Variants in UNC13C observed in about 807,000 individuals in gnomAD.
UNC13C encodes the protein unc-13 homolog C, also known as protein unc-13 homolog C.
In UNC13C, 174 loss-of-function variants were observed where a neutral mutation model predicts 245.4. The observed-to-expected ratio is 0.71, with a 90% CI of 0.63 to 0.80. The LOEUF (loss-of-function observed/expected upper bound fraction) is 0.80. UNC13C is among the 30% of genes least tolerant of loss of function. The pLI, the probability that UNC13C is intolerant of heterozygous loss-of-function variation, is 0.00. For synonymous variants in UNC13C, 992 were observed against 895.1 expected, an observed-to-expected ratio of 1.11 and a Z score of -1.93; for missense variants, 2,829 against 2,602.9, an observed-to-expected ratio of 1.09 and a Z score of -1.89.
At chr15:53,981,246 A>C (rs1893916028) in intron 1 of UNC13C, among the ~76,000 whole-genome samples, 1 of 152,190 alleles carries the variant, frequency 6.6e-6, no homozygotes, top group Non-Finnish European at 1.5e-5. Context: ...CAGTTTCAAC[A>C]TATATGTTTC....
At chr15:54,050,238 C>G (rs1258243362) in intron 2 of UNC13C, 3 of 537,468 alleles carry the variant, frequency 5.6e-6, no homozygotes, top group Non-Finnish European at 1.1e-5. Context: ...TCCCAAAGTT[C>G]TGGTATTACA....
chr15:54,222,956 A>G (rs1363250427), intron 4 of UNC13C, among the ~76,000 whole-genome samples: 7 of 151,936 alleles, frequency 4.6e-5, no homozygotes, highest in Admixed American at 3.9e-4. Flanking sequence ...TTTTTTCTAT[A>G]GAGTTGTTTG....
Position 54,393,117 on chromosome 15 carries a change from C to T in UNC13C, c.4783C>T (p.Leu1595Phe), listed in dbSNP as rs2039996235. 2 of 1,610,864 alleles carry T rather than the reference C, an allele frequency of 1.2e-6. No homozygotes were observed. Among genetic ancestry groups the T allele is most frequent in the African/African-American group, 1.3e-5 (1 of 74,670 alleles). ...TTKNLDFWPQLITLMVTIIDE... is the reference protein window; with the variant it reads ...TTKNLDFWPQFITLMVTIIDE... ...CAAGAATTTGGATTTTTGGCCCCAA[C>T]TTATTACACTGATGGTTACTATTAT... Residue 1595 changes from leucine (L) to phenylalanine (F), a missense_variant, in exon 18 of 33, where the codon CTT becomes TTT. Leu to Phe is a conservative substitution (Grantham distance 22, BLOSUM62 0). Coordinates refer to ENST00000260323, the MANE Select transcript of UNC13C (RefSeq NM_001080534.3).
chr15:54,392,975 T>C (rs2039989556), intron 17 of UNC13C, 73 bp from the exon 18 acceptor site: 2 of 1,397,836 alleles, frequency 1.4e-6, no homozygotes, highest in African/African-American at 2.9e-5. Flanking sequence ...TGATCTTCTA[T>C]TTGACAGTGA....
intron 10 of UNC13C, among the ~76,000 whole-genome samples, chr15:54,286,105 T>G (rs1414174048): frequency 2.0e-5 from 3 of 152,268 alleles, no homozygotes; most frequent in Non-Finnish European, 2.9e-5. Flanking sequence ...GGTCTCGAAC[T>G]CCTGACCTCA....
intron 4 of UNC13C, among the ~76,000 whole-genome samples, chr15:54,164,288 T>C (rs1046229586): frequency 1.3e-5 from 2 of 152,206 alleles, no homozygotes; most frequent in Non-Finnish European, 2.9e-5. Context: ...CTTTAAAATA[T>C]GTTTATGCTC....
chr15:54,444,746 G>A (rs537618090), intron 19 of UNC13C, among the ~76,000 whole-genome samples: 16 of 151,886 alleles, frequency 1.1e-4, no homozygotes, highest in Admixed American at 9.2e-4. Flanking sequence ...GATGGTGGAT[G>A]TCATCCATTC....
intron 2 of UNC13C, among the ~76,000 whole-genome samples, chr15:54,020,441 A>ATTTT (rs35981072): frequency 7.5e-3 from 794 of 106,242 alleles, no homozygotes; most frequent in Non-Finnish European, 0.011. Context: ...CGCCCAGCTA[A>ATTTT]TTTTTTTTTT....
At chr15:54,225,170 C>CT (rs61048399) in intron 4 of UNC13C, among the ~76,000 whole-genome samples, 26,044 of 138,536 alleles carry the variant, frequency 0.19, 2,406 homozygotes, top group Admixed American at 0.21. Context: ...AGTTCTCTGT[C>CT]TTTTTTTTTT....
chr15:53,989,157 G>A (rs572768210), intron 1 of UNC13C, among the ~76,000 whole-genome samples: 20 of 151,820 alleles, frequency 1.3e-4, no homozygotes, highest in Admixed American at 1.3e-3. Context: ...CAGCATACGG[G>A]TCAATATTTT....
intron 2 of UNC13C, among the ~76,000 whole-genome samples, chr15:54,061,493 G>A (rs1422537427): frequency 6.6e-6 from 1 of 152,146 alleles, no homozygotes; most frequent in Admixed American, 6.5e-5. Flanking sequence ...TTGAAGTTGG[G>A]TTGGAGCACA....
the UNC13C span, among the ~76,000 whole-genome samples, chr15:53,936,936 CA>C: frequency 5.9e-5 from 9 of 152,224 alleles, no homozygotes; most frequent in Non-Finnish European, 1.2e-4. Context: ...AGAATCAATG[CA>C]AAAATGCTGA....
chr15:54,101,993 G>T (rs1399841499), intron 2 of UNC13C, among the ~76,000 whole-genome samples: 2 of 150,534 alleles, frequency 1.3e-5, no homozygotes, highest in South Asian at 2.1e-4. Flanking sequence ...TTTGTTCAGT[G>T]CTCTTTGCAT....
At chr15:53,988,070 G>A (rs1218096581) in intron 1 of UNC13C, among the ~76,000 whole-genome samples, 1 of 151,956 alleles carries the variant, frequency 6.6e-6, no homozygotes, top group East Asian at 1.9e-4. Flanking sequence ...ATCCAGGCTG[G>A]TCTGAATTTC....
intron 19 of UNC13C, among the ~76,000 whole-genome samples, chr15:54,463,291 GTAA>G (rs1596421196): frequency 1.6e-4 from 12 of 74,502 alleles, no homozygotes; most frequent in African/African-American, 5.2e-4. Context: ...GGCCGGTCAG[GTAA>G]GGGAATAAAA....
chr15:53,995,617 A>G (rs1016403528), intron 1 of UNC13C, among the ~76,000 whole-genome samples: 2 of 152,130 alleles, frequency 1.3e-5, no homozygotes, highest in African/African-American at 2.4e-5. Flanking sequence ...CCCAAGAGAG[A>G]AACTTTCTGG....
At chr15:53,920,798 G>T in the UNC13C span, among the ~76,000 whole-genome samples, 1 of 150,014 alleles carries the variant, frequency 6.7e-6, no homozygotes, top group Non-Finnish European at 1.5e-5. Flanking sequence ...GGCCCTGAGG[G>T]TAGAACAGTG....
intron 2 of UNC13C, among the ~76,000 whole-genome samples, chr15:54,100,745 A>T (rs987472669): frequency 6.6e-6 from 1 of 152,114 alleles, no homozygotes; most frequent in Admixed American, 6.5e-5. Context: ...AATTAACATT[A>T]TTTCAAAACC....
At chr15:54,100,739 A>G (rs1378263879) in intron 2 of UNC13C, among the ~76,000 whole-genome samples, 1 of 152,054 alleles carries the variant, frequency 6.6e-6, no homozygotes, top group Non-Finnish European at 1.5e-5. Context: ...CAATCCAATT[A>G]ACATTATTTC....
Sources: gnomAD v4.1 joint callset for allele counts (sites outside exome capture counted in the v4.1 genomes callset) on GRCh38, gnomAD v4.1.1 for gene constraint, MANE v1.5 for transcripts, NCBI Gene and HGNC (gene_info 2026-07-23, HGNC 2026-07-21) for gene names.